Variants in NRP2 observed in about 807,000 individuals in gnomAD.
NRP2 encodes the protein neuropilin 2.
Under a neutral mutation model 110.4 loss-of-function variants are expected in NRP2, and 52 were observed. The observed-to-expected ratio is 0.47, with a 90% confidence interval of 0.38 to 0.59. The LOEUF is 0.59. Among genes scored for constraint, NRP2 ranks in the 20% least tolerant of loss-of-function variants. The pLI, the probability that NRP2 is intolerant of heterozygous loss-of-function variation, is 0.00. For synonymous variants in NRP2, 508 were observed against 468.9 expected, an observed-to-expected ratio of 1.08 and a Z score of -1.08; for missense variants, 1,049 against 1,203.0, an observed-to-expected ratio of 0.87 and a Z score of 1.89.
chr2:205,726,258 G>A (rs895195428), intron 6 of NRP2, among the ~76,000 whole-genome samples, 176 bp downstream of exon 6: 2 of 152,200 alleles, frequency 1.3e-5, no homozygotes, highest in African/African-American at 4.8e-5. Context: ...TTACATGCTG[G>A]CATACACTGA....
intron 1 of NRP2, 99 bp downstream of exon 1, chr2:205,683,462 C>T: frequency 1.2e-6 from 1 of 825,370 alleles, no homozygotes; most frequent in South Asian, 1.4e-5. Flanking sequence ...CAGAAGAAGG[C>T]TCCCTCAGTA....
At chr2:205,730,168 C>A (rs902095799) in intron 7 of NRP2, among the ~76,000 whole-genome samples, 1 of 152,214 alleles carries the variant, frequency 6.6e-6, no homozygotes, top group Admixed American at 6.5e-5. Context: ...CCTTGTCTCC[C>A]CTGCAAGGAT....
intron 5 of NRP2, among the ~76,000 whole-genome samples, chr2:205,724,792 G>A (rs1410658541): frequency 4.1e-5 from 6 of 147,624 alleles, no homozygotes; most frequent in African/African-American, 1.0e-4. Context: ...TCAGCCTCCC[G>A]AGTAGCTGGA....
chr2:205,699,385 G>T (rs1444133136), intron 2 of NRP2, among the ~76,000 whole-genome samples: 2 of 152,260 alleles, frequency 1.3e-5, no homozygotes, highest in African/African-American at 2.4e-5. Context: ...TAAGCTCAGA[G>T]AAATTTGACT....
chr2:205,725,014 C>T lies in NRP2; in HGVS notation c.821-899C>T, dbSNP rs1307383186. ...GAAGCACTTTTAAGAAAGATTCAAG[C>T]TGTGGAAATCCTACCCTGATTGCAG... On this transcript the variant is annotated intron_variant, in intron 5 of 16. Transcript: ENST00000357785. The surrounding 1 kb of genome is among the most constrained non-coding windows in gnomAD (Gnocchi z 4.1). 6.6e-6 allele frequency among the ~76,000 whole-genome samples: 1 copy of T among 152,158 alleles called. No individual in the cohort carries two copies. The highest frequency in any genetic ancestry group is 1.5e-5 in the Non-Finnish European group (1 of 68,028).
chr2:205,776,204 A>G (rs761885587), intron 15 of NRP2: 5 of 1,553,716 alleles, frequency 3.2e-6, no homozygotes, highest in South Asian at 1.1e-5. Context: ...ATTAGTCTGC[A>G]TGCTCTCAGC....
chr2:205,697,825 C>A (rs2105889109), intron 2 of NRP2, 104 bp downstream of exon 2: 1 of 1,153,432 alleles, frequency 8.7e-7, no homozygotes, highest in Non-Finnish European at 1.3e-6. Flanking sequence ...CCAAGACCTG[C>A]TGCTAACCAG....
chr2:205,683,719 T>C (rs11678440), intron 1 of NRP2, among the ~76,000 whole-genome samples: 59,401 of 152,086 alleles, frequency 0.39, 13,523 homozygotes, highest in South Asian at 0.5. Context: ...GCAGAACACA[T>C]CTCCCTTGAG....
intron 2 of NRP2, among the ~76,000 whole-genome samples, chr2:205,699,489 A>T (rs573658250): frequency 6.6e-5 from 10 of 152,236 alleles, no homozygotes; most frequent in Non-Finnish European, 1.5e-4. Flanking sequence ...TGTTGTATTC[A>T]TAGTGGCAGA....
chr2:205,782,117 C>T (rs2058181343), intron 15 of NRP2, among the ~76,000 whole-genome samples: 1 of 152,162 alleles, frequency 6.6e-6, no homozygotes, highest in South Asian at 2.1e-4. Context: ...TGCTTCAGCA[C>T]AACCAAGCCG....
rs529967724 is a variant in NRP2, at chr2:205,738,073, C to T, written c.1147-2446C>T. On this transcript the variant is annotated intron_variant, in intron 7 of 16. Transcript: ENST00000357785. ...TGCCAAGGCTGAGAAATGCAGGGGT[C>T]GGATAAGATAAAATTGGATATTAAC... 1.2e-3 allele frequency among the ~76,000 whole-genome samples: 185 copies of T among 152,314 alleles called. 1 individual carries two copies. Among genetic ancestry groups the T allele is most frequent in the African/African-American group, 3.4e-3 (140 of 41,562 alleles).
chr2:205,752,172 G>A, intron 11 of NRP2, among the ~76,000 whole-genome samples: 1 of 152,228 alleles, frequency 6.6e-6, no homozygotes, highest in South Asian at 2.1e-4. Context: ...CTCCTGGCCA[G>A]CACTGAGCTG....
rs111280723 is a variant in NRP2 at position 205,752,550 on chromosome 2, G to A, written c.1904-285G>A. On this transcript the variant is annotated intron_variant, in intron 11 of 16. Transcript: ENST00000357785. ...TCACATTTGTCTGCTCTCCGAGGTG[G>A]ACAGAAGAGGCTGATTAGAGCCTGA... 2,150 of 442,198 alleles carry A rather than the reference G, an allele frequency of 4.9e-3. 24 individuals are homozygous for A. Among genetic ancestry groups the A allele is most frequent in the South Asian group, 0.016 (769 of 46,836 alleles). The allele number at this position is 442,198 out of a possible 1,614,324, so 27.4% of individuals were successfully genotyped here.
At position 205,744,361 on chromosome 2, in the gene NRP2, G is replaced by A. The variant is rs761892130; in HGVS notation, c.1641+809G>A. Among the ~76,000 whole-genome samples the A allele has an allele frequency of 3.3e-5, 5 of 152,212 alleles. No homozygotes were observed. In the East Asian group the frequency reaches 7.7e-4, roughly 23 times the overall value. On this transcript the variant is annotated intron_variant, in intron 9 of 16. Transcript: ENST00000357785. ...CTAGAGGATGACTTCCAAAAATAAC[G>A]ATGTTTTTCTGAATGTCGCTGCATT...
chr2:205,729,565 G>A (rs545089194), intron 7 of NRP2, among the ~76,000 whole-genome samples: 9 of 152,332 alleles, frequency 5.9e-5, no homozygotes, highest in African/African-American at 2.2e-4. Context: ...GGTCCCCGGG[G>A]AGAGGAGTGG....
intron 16 of NRP2, among the ~76,000 whole-genome samples, chr2:205,794,145 C>G (rs1246612752): frequency 2.0e-5 from 3 of 152,192 alleles, no homozygotes; most frequent in African/African-American, 4.8e-5. Flanking sequence ...GAGTCTCGCT[C>G]TGTCACCCAG....
intron 15 of NRP2, among the ~76,000 whole-genome samples, chr2:205,768,836 C>A (rs1279095979): frequency 6.6e-6 from 1 of 152,242 alleles, no homozygotes; most frequent in South Asian, 2.1e-4. Flanking sequence ...GCTTGGGGAG[C>A]AGAGACTTGG....
At chr2:205,706,840 A>G (rs1206512442) in intron 2 of NRP2, among the ~76,000 whole-genome samples, 2 of 152,158 alleles carry the variant, frequency 1.3e-5, no homozygotes, top group Non-Finnish European at 2.9e-5. Context: ...CTTGAAGCTC[A>G]TCCCCGGCAC....
intron 7 of NRP2, among the ~76,000 whole-genome samples, chr2:205,730,557 G>A (rs566704526): frequency 6.6e-6 from 1 of 152,104 alleles, no homozygotes; most frequent in Admixed American, 6.5e-5. Context: ...GAAGGCAACC[G>A]CCTGCTCTGC....
Sources: gnomAD v4.1 joint callset for allele counts (sites outside exome capture counted in the v4.1 genomes callset) on GRCh38, gnomAD v4.1.1 for gene constraint, Gnocchi (gnomAD v3.1) non-coding constraint, MANE v1.5 for transcripts, NCBI Gene and HGNC (gene_info 2026-07-23, HGNC 2026-07-21) for gene names.